NOX4: variants seen among roughly 807,000 people sequenced by gnomAD.
The protein encoded by NOX4 is kidney oxidase-1.
In NOX4, 69 loss-of-function variants were observed where a neutral mutation model predicts 87.6. The observed-to-expected ratio is 0.79, with a 90% CI of 0.65 to 0.96. NOX4 has a LOEUF of 0.96. Among genes scored for constraint, NOX4 ranks in the 40% least tolerant of loss-of-function variants. The pLI, the probability that NOX4 is intolerant of heterozygous loss-of-function variation, is 0.00. For missense variants in NOX4, 680 were observed against 681.5 expected, an observed-to-expected ratio of 1.00 and a Z score of 0.02; for synonymous variants, 275 against 238.2, an observed-to-expected ratio of 1.15 and a Z score of -1.42.
chr11:89,393,776 G>A (rs1213069815), intron 11 of NOX4, among the ~76,000 whole-genome samples: 3 of 152,134 alleles, frequency 2.0e-5, no homozygotes, highest in Non-Finnish European at 4.4e-5. Context: ...TGATGAAACT[G>A]AGCCTTAGCA....
At chr11:89,362,426 C>T (rs1938600524) in intron 12 of NOX4, among the ~76,000 whole-genome samples, 1 of 152,064 alleles carries the variant, frequency 6.6e-6, no homozygotes, top group Admixed American at 6.6e-5. Context: ...ATTTTGATTA[C>T]TCTTCCAGCC....
chr11:89,571,260 C>T, the NOX4 span, among the ~76,000 whole-genome samples: 1 of 151,718 alleles, frequency 6.6e-6, no homozygotes, highest in South Asian at 2.1e-4. Context: ...AACAGTAGTT[C>T]TACATTTTAA....
the NOX4 span, chr11:89,548,867 C>T: frequency 6.6e-6 from 1 of 152,102 alleles, no homozygotes; most frequent in East Asian, 1.9e-4. Context: ...CTGGAGACAC[C>T]AGCAGGAGAA....
the NOX4 span, among the ~76,000 whole-genome samples, chr11:89,513,561 C>G: frequency 6.6e-6 from 1 of 151,706 alleles, no homozygotes; most frequent in Non-Finnish European, 1.5e-5. Context: ...TTGAGTCAAA[C>G]AAAAAAATAG....
chr11:89,540,530 G>C, the NOX4 span, among the ~76,000 whole-genome samples: 1 of 151,800 alleles, frequency 6.6e-6, no homozygotes, highest in Admixed American at 6.6e-5. Flanking sequence ...GCTCACGCCT[G>C]TAATCCCAGT....
chr11:89,399,432 A>AATATATATATAAATATATAT (rs1555014572), intron 11 of NOX4, among the ~76,000 whole-genome samples: 6 of 75,646 alleles, frequency 7.9e-5, no homozygotes, highest in African/African-American at 3.1e-4. Flanking sequence ...CAAGAAATTA[A>AATATATATATAAATATATAT]ATATATATAT....
chr11:89,490,448 C>G lies in NOX4; in HGVS notation c.153+10G>C, dbSNP rs490934. On this transcript the variant is annotated intron_variant, in intron 2 of 17. Transcript: ENST00000263317. The stretch of plus-strand genomic sequence containing the variant: ...CATTCCACCAGATTATCCAAGTTCA[C>G]CTTACTTACCCCCAACATCTGGTGG... 1,471,309 of 1,587,366 alleles carry G rather than the reference C, an allele frequency of 0.93. 683,551 individuals carry two copies. Among genetic ancestry groups the G allele is most frequent in the Non-Finnish European group, 0.94 (1,091,828 of 1,155,728 alleles).
chr11:89,469,746 C>T (rs1034269220), intron 2 of NOX4, among the ~76,000 whole-genome samples: 2 of 152,190 alleles, frequency 1.3e-5, no homozygotes, highest in Non-Finnish European at 2.9e-5. Context: ...TATTTTTACA[C>T]TTTCTTACTC....
intron 2 of NOX4, among the ~76,000 whole-genome samples, chr11:89,458,801 A>T (rs540154603): frequency 4.6e-5 from 7 of 152,358 alleles, no homozygotes; most frequent in Admixed American, 3.9e-4. Flanking sequence ...AAGTTAAAAA[A>T]TAACAGATTC....
At chr11:89,402,789 G>A (rs1369829880) in intron 8 of NOX4, among the ~76,000 whole-genome samples, 3 of 152,092 alleles carry the variant, frequency 2.0e-5, no homozygotes, top group Non-Finnish European at 4.4e-5. Flanking sequence ...TAAATATGTG[G>A]TAGAGAAGAA....
chr11:89,456,536 C>A (rs1421120472), intron 2 of NOX4, among the ~76,000 whole-genome samples: 6 of 152,114 alleles, frequency 3.9e-5, no homozygotes, highest in Non-Finnish European at 8.8e-5. Flanking sequence ...AGTTAGGACA[C>A]AGACAGTGGG....
chr11:89,482,881 A>G (rs1946447979), intron 2 of NOX4, among the ~76,000 whole-genome samples: 1 of 152,086 alleles, frequency 6.6e-6, no homozygotes, highest in South Asian at 2.1e-4. Context: ...AGAGAATTGC[A>G]GGTTCTAACA....
chr11:89,452,305 A>C (rs1373271617), intron 2 of NOX4, among the ~76,000 whole-genome samples: 1 of 152,092 alleles, frequency 6.6e-6, no homozygotes, highest in African/African-American at 2.4e-5. Flanking sequence ...CATTTTTCTC[A>C]TGTGTTCTCT....
At chr11:89,470,267 C>G (rs1033817058) in intron 2 of NOX4, among the ~76,000 whole-genome samples, 1 of 152,136 alleles carries the variant, frequency 6.6e-6, no homozygotes, top group South Asian at 2.1e-4. Flanking sequence ...GAACTTATGG[C>G]ATGGCTTCCT....
intron 8 of NOX4, among the ~76,000 whole-genome samples, chr11:89,405,500 A>G (rs1189607040): frequency 2.0e-5 from 3 of 151,974 alleles, no homozygotes; most frequent in East Asian, 3.9e-4. Context: ...ACAATATGGT[A>G]TATGCCTAAA....
At chr11:89,506,223 G>GAAAGAAAGAA in the NOX4 span, among the ~76,000 whole-genome samples, 1 of 144,250 alleles carries the variant, frequency 6.9e-6, no homozygotes, top group African/African-American at 2.6e-5. Context: ...GAAAGAAAGA[G>GAAAGAAAGAA]AGAAAGAAAG....
chr11:89,414,675 T>C (rs1942668159), intron 8 of NOX4, among the ~76,000 whole-genome samples: 1 of 150,660 alleles, frequency 6.6e-6, no homozygotes, highest in Admixed American at 6.7e-5. Context: ...AGTTATCATA[T>C]TATTATGTAT....
chr11:89,473,163 T>G (rs1946016469), intron 2 of NOX4, among the ~76,000 whole-genome samples: 1 of 152,164 alleles, frequency 6.6e-6, no homozygotes, highest in African/African-American at 2.4e-5. Flanking sequence ...TATGTCACTC[T>G]TACATTTTCC....
intron 12 of NOX4, among the ~76,000 whole-genome samples, chr11:89,369,295 G>A (rs1717954734): frequency 6.6e-6 from 1 of 152,052 alleles, no homozygotes; most frequent in African/African-American, 2.4e-5. Context: ...CACAGGGGCT[G>A]GGAGGACATA....
Sources: gnomAD v4.1 joint callset for allele counts (sites outside exome capture counted in the v4.1 genomes callset) on GRCh38, gnomAD v4.1.1 for gene constraint, MANE v1.5 for transcripts, NCBI Gene and HGNC (gene_info 2026-07-23, HGNC 2026-07-21) for gene names.